RBFOX1: variants seen among roughly 807,000 people sequenced by gnomAD.
RBFOX1 encodes the protein RNA binding protein fox-1 homolog 1.
Under a neutral mutation model 57.7 loss-of-function variants are expected in RBFOX1, and 8 were observed. That is an observed-to-expected ratio of 0.14 (90% CI 0.08 to 0.25). RBFOX1 has a LOEUF of 0.25. Ranked by LOEUF, RBFOX1 falls within the 10% of genes least tolerant of loss-of-function variation. RBFOX1 has a pLI of 1.00. For synonymous variants in RBFOX1, 326 were observed against 222.4 expected, an observed-to-expected ratio of 1.47 and a Z score of -4.15; for missense variants, 611 against 548.5, an observed-to-expected ratio of 1.11 and a Z score of -1.14.
intron 4 of RBFOX1, among the ~76,000 whole-genome samples, chr16:7,334,160 G>C (rs963417959): frequency 3.3e-5 from 5 of 152,102 alleles, no homozygotes; most frequent in Non-Finnish European, 7.3e-5. Flanking sequence ...TTTGTTAAGT[G>C]TACGAACCTG....
chr16:5,477,869 C>G (rs367842793), intron 2 of RBFOX1, among the ~76,000 whole-genome samples: 2 of 152,152 alleles, frequency 1.3e-5, no homozygotes, highest in African/African-American at 4.8e-5. Flanking sequence ...GGCCAGTTAG[C>G]GTGATGTTTT....
rs558424465 is a variant in RBFOX1 at position 5,791,975 on chromosome 16, A to G, written c.319-75328A>G. On this transcript the variant is annotated intron_variant, in intron 3 of 19. Coordinates refer to the RBFOX1 transcript ENST00000641259. ...TCTGGGGCTTGGAGGTCCTTTGTAC[A>G]CCAGAGACTTTGAGGATGACTTTGG... 9.5e-4 allele frequency among the ~76,000 whole-genome samples: 144 copies of G among 152,220 alleles called. 1 individual carries two copies. In the Middle Eastern group the frequency reaches 0.01, roughly 11 times the overall value.
At chr16:5,852,058 A>G (rs1329883199) in intron 3 of RBFOX1, among the ~76,000 whole-genome samples, 1 of 152,218 alleles carries the variant, frequency 6.6e-6, no homozygotes, top group African/African-American at 2.4e-5. Flanking sequence ...ATAAGGATCA[A>G]TTGGCATTAT....
At chr16:7,212,551 C>T (rs1044493151) in intron 4 of RBFOX1, among the ~76,000 whole-genome samples, 13 of 151,942 alleles carry the variant, frequency 8.6e-5, no homozygotes, top group African/African-American at 2.2e-4. Context: ...GTCCTGGGCA[C>T]GAACATTTTT....
intron 4 of RBFOX1, among the ~76,000 whole-genome samples, chr16:6,012,551 T>C (rs569079957): frequency 1.3e-5 from 2 of 152,328 alleles, no homozygotes; most frequent in Admixed American, 6.5e-5. Flanking sequence ...CAAAGGGTTA[T>C]TTGGCTCAAA....
At chr16:5,271,436 T>C (rs1368428363) in intron 1 of RBFOX1, among the ~76,000 whole-genome samples, 1 of 152,240 alleles carries the variant, frequency 6.6e-6, no homozygotes. Context: ...TAGGGCTGGG[T>C]ATCCCCTAGG....
chr16:6,642,155 G>A (rs1256088280), intron 2 of RBFOX1, among the ~76,000 whole-genome samples: 1 of 152,170 alleles, frequency 6.6e-6, no homozygotes, highest in African/African-American at 2.4e-5. Flanking sequence ...GAAGGCAGGC[G>A]ACAAACCCAG....
chr16:6,958,518 A>C (rs145669055), intron 3 of RBFOX1, among the ~76,000 whole-genome samples: 5 of 152,220 alleles, frequency 3.3e-5, no homozygotes, highest in Admixed American at 6.5e-5. Context: ...GACTTATTCA[A>C]TAACAGAGGA....
chr16:6,456,451 C>A (rs1258946034), intron 2 of RBFOX1, among the ~76,000 whole-genome samples: 1 of 152,124 alleles, frequency 6.6e-6, no homozygotes, highest in Non-Finnish European at 1.5e-5. Flanking sequence ...TGCGATTATT[C>A]AAGTTTATCA....
intron 4 of RBFOX1, among the ~76,000 whole-genome samples, chr16:7,199,441 A>G (rs1223283108): frequency 6.6e-6 from 1 of 152,230 alleles, no homozygotes; most frequent in Non-Finnish European, 1.5e-5. Context: ...GTCTTTGGAA[A>G]TGAATGACTG....
At chr16:5,643,258 C>T (rs1432888812) in intron 3 of RBFOX1, among the ~76,000 whole-genome samples, 1 of 152,150 alleles carries the variant, frequency 6.6e-6, no homozygotes. Context: ...CTTAGACTGC[C>T]TCTTTGTAAA....
chr16:6,905,937 T>C (rs1422142208), intron 3 of RBFOX1, among the ~76,000 whole-genome samples: 1 of 152,170 alleles, frequency 6.6e-6, no homozygotes, highest in Non-Finnish European at 1.5e-5. Flanking sequence ...CTTCTGCCCT[T>C]GTGTTTCCAA....
At chr16:5,506,530 A>C (rs1597339630) in intron 2 of RBFOX1, among the ~76,000 whole-genome samples, 1 of 152,144 alleles carries the variant, frequency 6.6e-6, no homozygotes. Flanking sequence ...GCTTCTGCTC[A>C]CCCTGCAGCT....
At chr16:6,860,630 T>G (rs2058826523) in intron 3 of RBFOX1, among the ~76,000 whole-genome samples, 2 of 152,092 alleles carry the variant, frequency 1.3e-5, no homozygotes, top group African/African-American at 4.8e-5. Context: ...AAGACAACAA[T>G]CAACCAGACA....
At chr16:6,771,776 C>T (rs1239173444) in intron 3 of RBFOX1, among the ~76,000 whole-genome samples, 2 of 152,122 alleles carry the variant, frequency 1.3e-5, no homozygotes, top group African/African-American at 4.8e-5. Context: ...AGGACAGCCC[C>T]CTATGACAAT....
chr16:5,821,233 G>C (rs1416141882), intron 3 of RBFOX1, among the ~76,000 whole-genome samples: 3 of 151,870 alleles, frequency 2.0e-5, no homozygotes, highest in Non-Finnish European at 4.4e-5. Flanking sequence ...CTACTACTAG[G>C]CTGGCCACTT....
chr16:6,975,231 C>G (rs2086560323), intron 3 of RBFOX1, among the ~76,000 whole-genome samples: 1 of 151,404 alleles, frequency 6.6e-6, no homozygotes, highest in African/African-American at 2.4e-5. Context: ...AAGAGGCCAC[C>G]ACAATACTCA....
At chr16:6,013,251 T>C (rs905285238) in intron 4 of RBFOX1, among the ~76,000 whole-genome samples, 6 of 152,224 alleles carry the variant, frequency 3.9e-5, no homozygotes, top group African/African-American at 1.4e-4. Flanking sequence ...TTATACTAAA[T>C]AGCATATAAA....
chr16:5,262,292 G>C (rs2062755077), intron 1 of RBFOX1, among the ~76,000 whole-genome samples: 1 of 152,284 alleles, frequency 6.6e-6, no homozygotes, highest in Non-Finnish European at 1.5e-5. Context: ...ACGTTATTCT[G>C]GATGTATCTC....
Sources: allele counts gnomAD v4.1 joint callset (sites outside exome capture counted in the v4.1 genomes callset), GRCh38; gene constraint gnomAD v4.1.1; transcripts MANE v1.5; gene names NCBI Gene and HGNC (gene_info 2026-07-23, HGNC 2026-07-21).